SASH1: variants seen among roughly 807,000 people sequenced by gnomAD.
SASH1 encodes SAM and SH3 domain-containing protein 1.
SASH1 carries 44 observed loss-of-function variants against 125.2 expected under a neutral mutation model. The ratio of observed to expected loss-of-function variants is 0.35; its 90% CI spans 0.28 to 0.45. The LOEUF is 0.45. Among genes scored for constraint, SASH1 ranks in the 20% least tolerant of loss-of-function variants. The pLI, the probability that SASH1 is intolerant of heterozygous loss-of-function variation, is 1.00. For synonymous variants in SASH1, 639 were observed against 649.1 expected (o/e 0.98, Z 0.24); for missense variants, 1,426 against 1,614.5 (o/e 0.88, Z 2.00).
At chr6:148,441,748 C>T (rs983915710) in intron 4 of SASH1, among the ~76,000 whole-genome samples, 1 of 152,164 alleles carries the variant, frequency 6.6e-6, no homozygotes, top group Non-Finnish European at 1.5e-5. Flanking sequence ...GGAAGTGACT[C>T]ACCAAATTTG....
chr6:148,238,653 CACACACACAT>C, the SASH1 span, among the ~76,000 whole-genome samples: 3 of 135,178 alleles, frequency 2.2e-5, no homozygotes, highest in African/African-American at 5.7e-5. Context: ...CACACACACA[CACACACACAT>C]CCCAAATTGT....
intron 7 of SASH1, chr6:148,480,245 G>A (rs533875233): frequency 1.1e-4 from 17 of 151,906 alleles, no homozygotes; most frequent in East Asian, 1.9e-4. Flanking sequence ...CAGGAGAATC[G>A]CGGAGGCAGA....
the SASH1 span, among the ~76,000 whole-genome samples, chr6:148,239,543 G>A: frequency 8.5e-5 from 13 of 152,218 alleles, no homozygotes; most frequent in Non-Finnish European, 1.3e-4. Flanking sequence ...TCTGGAGCAG[G>A]CACCAGACAT....
intron 1 of SASH1, among the ~76,000 whole-genome samples, chr6:148,364,939 A>G (rs1782389924): frequency 6.6e-6 from 1 of 152,102 alleles, no homozygotes; most frequent in African/African-American, 2.4e-5. Flanking sequence ...CCTGGCCAAC[A>G]TAGTGAAACC....
intron 2 of SASH1, among the ~76,000 whole-genome samples, chr6:148,427,289 A>G (rs556922997): frequency 1.3e-5 from 2 of 152,194 alleles, no homozygotes; most frequent in Non-Finnish European, 2.9e-5. Context: ...GGTGGATTAT[A>G]GTGTGGATAT....
At chr6:148,418,717 ACTGAAGT>A (rs1385082585) in intron 2 of SASH1, among the ~76,000 whole-genome samples, 2 of 152,230 alleles carry the variant, frequency 1.3e-5, no homozygotes, top group African/African-American at 4.8e-5. Flanking sequence ...CCCAGGGTAC[ACTGAAGT>A]CTGAGTACAG....
At chr6:148,319,645 G>A (rs1780588247) in intron 1 of SASH1, among the ~76,000 whole-genome samples, 1 of 152,098 alleles carries the variant, frequency 6.6e-6, no homozygotes, top group African/African-American at 2.4e-5. Flanking sequence ...CTCCCGAGTA[G>A]CTGGGATTGC....
At chr6:148,214,726 A>G in the SASH1 span, among the ~76,000 whole-genome samples, 1 of 152,132 alleles carries the variant, frequency 6.6e-6, no homozygotes, top group Non-Finnish European at 1.5e-5. Flanking sequence ...TATATTAGAG[A>G]ATTCGTGCTT....
At chr6:148,366,238 C>T (rs532966745) in intron 1 of SASH1, among the ~76,000 whole-genome samples, 1 of 151,934 alleles carries the variant, frequency 6.6e-6, no homozygotes, top group African/African-American at 2.4e-5. Context: ...GAGCTGTGTT[C>T]GCGCCACTGC....
the SASH1 span, among the ~76,000 whole-genome samples, chr6:148,229,153 A>AAC: frequency 5.3e-5 from 8 of 151,594 alleles, no homozygotes; most frequent in East Asian, 1.5e-3. Context: ...AAAAAAAAAA[A>AAC]AAAACACTTA....
chr6:148,412,742 C>T (rs952254335), intron 2 of SASH1, among the ~76,000 whole-genome samples: 11 of 152,130 alleles, frequency 7.2e-5, no homozygotes, highest in Non-Finnish European at 7.3e-5. Flanking sequence ...CAAACACCCC[C>T]GACCAGGCCC....
intron 2 of SASH1, among the ~76,000 whole-genome samples, chr6:148,404,643 A>C (rs954662924): frequency 9.5e-6 from 1 of 105,092 alleles, no homozygotes. Flanking sequence ...CTCCTGTCCC[A>C]GTTCCATCCC....
the SASH1 span, among the ~76,000 whole-genome samples, chr6:148,203,778 G>T: frequency 3.3e-5 from 5 of 152,142 alleles, no homozygotes; most frequent in Non-Finnish European, 7.3e-5. Context: ...CAGCATCACC[G>T]GTTACTCACC....
At chr6:148,239,748 T>A in the SASH1 span, among the ~76,000 whole-genome samples, 1 of 152,108 alleles carries the variant, frequency 6.6e-6, no homozygotes, top group Non-Finnish European at 1.5e-5. Context: ...TAAAATGACT[T>A]TAGGAAATGT....
chr6:148,451,226 T>C (rs113045026), intron 4 of SASH1, among the ~76,000 whole-genome samples: 1,895 of 152,330 alleles, frequency 0.012, 34 homozygotes, highest in African/African-American at 0.042. Context: ...TTATTTGAAA[T>C]AGGGCTACAA....
At chr6:148,455,764 G>A (rs1009194004) in intron 4 of SASH1, among the ~76,000 whole-genome samples, 22 of 152,360 alleles carry the variant, frequency 1.4e-4, no homozygotes, top group African/African-American at 5.3e-4. Context: ...CTGGCTGGAC[G>A]CAGATTCAGG....
intron 7 of SASH1, among the ~76,000 whole-genome samples, chr6:148,476,315 G>A (rs947316739): frequency 5.5e-5 from 8 of 146,152 alleles, no homozygotes; most frequent in East Asian, 2.0e-4. Context: ...CCCTGTTCAC[G>A]GATTAGAAGA....
intron 2 of SASH1, chr6:148,393,531 A>G (rs543812800): frequency 5.5e-6 from 1 of 180,596 alleles, no homozygotes; most frequent in Admixed American, 6.5e-5. Flanking sequence ...TGGGGTTACC[A>G]TCATCATCCC....
At chr6:148,286,833 C>T (rs1779494427) in intron 1 of SASH1, among the ~76,000 whole-genome samples, 1 of 152,118 alleles carries the variant, frequency 6.6e-6, no homozygotes, top group Non-Finnish European at 1.5e-5. Context: ...CACAAATCAG[C>T]CCATAACAAA....
Sources: gnomAD v4.1 joint callset for allele counts (sites outside exome capture counted in the v4.1 genomes callset) on GRCh38, gnomAD v4.1.1 for gene constraint, MANE v1.5 for transcripts, NCBI Gene and HGNC (gene_info 2026-07-23, HGNC 2026-07-21) for gene names.